Variants in PDXDC1 observed in about 807,000 individuals in gnomAD.
PDXDC1 encodes pyridoxal dependent decarboxylase domain containing 1.
Under a neutral mutation model 100.1 loss-of-function variants are expected in PDXDC1, and 42 were observed. That is an observed-to-expected ratio of 0.42 (90% CI 0.33 to 0.54). PDXDC1 has a LOEUF of 0.54. PDXDC1 is among the 20% of genes least tolerant of loss of function. PDXDC1 has a pLI of 0.10. For missense variants in PDXDC1, 636 were observed against 979.2 expected (o/e 0.65, Z 4.68); for synonymous variants, 260 against 371.7 (o/e 0.70, Z 3.46).
chr16:14,989,049 C>T, intron 1 of PDXDC1: 3 of 1,614,252 alleles, frequency 1.9e-6, no homozygotes, highest in Non-Finnish European at 1.7e-6. Flanking sequence ...GGCTGGCGAG[C>T]AGGAGAGCAT....
intron 6 of PDXDC1, among the ~76,000 whole-genome samples, chr16:15,006,814 C>T (rs1172518683): frequency 7.9e-5 from 12 of 152,274 alleles, no homozygotes; most frequent in Non-Finnish European, 1.5e-4. Flanking sequence ...AGACTTTAAT[C>T]GAAGGGGGTG....
At chr16:15,149,909 C>A in the PDXDC1 span, among the ~76,000 whole-genome samples, 33 of 152,152 alleles carry the variant, frequency 2.2e-4, no homozygotes, top group Non-Finnish European at 1.0e-4. Context: ...ACAAGAAACA[C>A]AAAGGACACA....
At chr16:15,091,247 C>T (rs985355718) in intron 16 of PDXDC1, 5 of 1,586,284 alleles carry the variant, frequency 3.2e-6, no homozygotes, top group Non-Finnish European at 4.3e-6. Context: ...GAATGGGACC[C>T]AAAGAGCAAA....
At chr16:15,049,663 T>G (rs896318666) in intron 16 of PDXDC1, among the ~76,000 whole-genome samples, 1 of 151,950 alleles carries the variant, frequency 6.6e-6, no homozygotes, top group Admixed American at 6.6e-5. Context: ...TGGCCTCAAG[T>G]GATCCACCTG....
At chr16:15,125,299 C>T (rs2047648351) in intron 16 of PDXDC1, 1 of 661,278 alleles carries the variant, frequency 1.5e-6, no homozygotes, top group Non-Finnish European at 2.6e-6. Flanking sequence ...ACTGGGCGTT[C>T]CCTCGCTGGA....
intron 1 of PDXDC1, chr16:14,975,627 A>T: frequency 1.0e-6 from 1 of 985,514 alleles, no homozygotes; most frequent in South Asian, 4.7e-5. Context: ...AGCCAGCTGC[A>T]AACCTGTAGG....
chr16:15,101,078 A>G (rs551960706), intron 16 of PDXDC1, among the ~76,000 whole-genome samples: 1 of 152,318 alleles, frequency 6.6e-6, no homozygotes, highest in East Asian at 1.9e-4. Flanking sequence ...CAATTTTCTT[A>G]TGTACAAAAT....
chr16:15,124,011 A>T (rs1598185826), intron 16 of PDXDC1, among the ~76,000 whole-genome samples: 2 of 152,120 alleles, frequency 1.3e-5, no homozygotes, highest in East Asian at 3.9e-4. Context: ...TGTGGACTTT[A>T]AATTCTGAAC....
chr16:15,031,112 A>G (rs1297546044), intron 16 of PDXDC1, among the ~76,000 whole-genome samples: 1 of 73,958 alleles, frequency 1.4e-5, no homozygotes, highest in African/African-American at 5.3e-5. Flanking sequence ...CACCACATCT[A>G]TTTTTTTTTT....
chr16:15,068,809 T>C (rs1488394416), intron 16 of PDXDC1, among the ~76,000 whole-genome samples: 1 of 152,234 alleles, frequency 6.6e-6, no homozygotes, highest in Non-Finnish European at 1.5e-5. Flanking sequence ...TTTCTTAGAC[T>C]TAATGAATAT....
At position 15,034,379 on chromosome 16, in the gene PDXDC1, G is replaced by C; in HGVS notation, c.1905+1G>C. ...AAGTGAAGAACGGCTTCTGGAAGAG[G>C]TGAGGCCCCCGATGGGCAGCAGGCT... On this transcript the variant is annotated splice_donor_variant, in intron 20 of 22. Transcript: ENST00000396410. LOFTEE classifies it high-confidence loss of function. 6.2e-7 allele frequency: 1 copy of C among 1,613,542 alleles called. No individual in the cohort carries two copies. Among genetic ancestry groups the C allele is most frequent in the Non-Finnish European group, 8.5e-7 (1 of 1,179,984 alleles).
At chr16:15,147,097 G>A in the PDXDC1 span, among the ~76,000 whole-genome samples, 1 of 137,788 alleles carries the variant, frequency 7.3e-6, no homozygotes, top group Non-Finnish European at 1.5e-5. Flanking sequence ...AGGTGGGAGG[G>A]GCTGGCAGGG....
At position 15,047,387 on chromosome 16, in the gene PDXDC1, T is replaced by C. The variant is rs1032525728; in HGVS notation, c.1399+17331T>C. On this transcript the variant is annotated intron_variant, in intron 16 of 16. Coordinates refer to the PDXDC1 transcript ENST00000535621. The stretch of plus-strand genomic sequence containing the variant: ...CCTAACAGCTTCCACAGCCACGTCC[T>C]GTATGCGACGGTTCCAAGATCTCAA... 4 of 1,146,556 alleles carry C rather than the reference T, an allele frequency of 3.5e-6. No homozygotes were observed. The African/African-American group carries it at 6.1e-5, about 17-fold the overall frequency. The allele number at this position is 1,146,556 out of a possible 1,614,324, so 71.0% of individuals were successfully genotyped here. A position where few individuals can be genotyped will look rare whatever the true frequency, so the allele number is the denominator to read the frequency against.
chr16:15,069,398 C>T (rs2045126391), intron 16 of PDXDC1, among the ~76,000 whole-genome samples: 2 of 152,190 alleles, frequency 1.3e-5, no homozygotes, highest in Admixed American at 6.6e-5. Context: ...TATTCATAAA[C>T]ATAAACAGAA....
intron 8 of PDXDC1, among the ~76,000 whole-genome samples, chr16:15,014,140 G>A (rs2041590118): frequency 1.3e-5 from 2 of 151,954 alleles, no homozygotes; most frequent in African/African-American, 4.8e-5. Flanking sequence ...CCAGGAGGCT[G>A]AGATTGCAGT....
rs969462798 is a variant in PDXDC1 at position 15,127,752 on chromosome 16, G to A, written c.1400-11127G>A. 4.5e-6 allele frequency: 7 copies of A among 1,547,814 alleles called. No individual in the cohort carries two copies. The African/African-American group carries it at 6.9e-5, about 15-fold the overall frequency. The stretch of plus-strand genomic sequence containing the variant: ...TGGCGCCCAGGAAGAGGCAGATGAG[G>A]AGAACGCAGCAGGTGGCCCTCTGGA... On this transcript the variant is annotated intron_variant, in intron 16 of 16. Coordinates refer to the PDXDC1 transcript ENST00000535621.
chr16:15,096,256 G>A lies in PDXDC1; in HGVS notation c.1400-42623G>A, dbSNP rs560656274. Among the ~76,000 whole-genome samples, 6 of 152,066 alleles carry A rather than the reference G, an allele frequency of 3.9e-5. No individual in the cohort carries two copies. In the South Asian group the frequency reaches 1.2e-3, roughly 32 times the overall value. Reference sequence around the variant, plus strand: ...CCCCAGTAGCTAGGATTACAGGCATGCGCCACCATGCCCAGCTAATTTTTG... The same window carrying A: ...CCCCAGTAGCTAGGATTACAGGCATACGCCACCATGCCCAGCTAATTTTTG... On this transcript the variant is annotated intron_variant, in intron 16 of 16. Coordinates refer to the PDXDC1 transcript ENST00000535621.
rs1422470572 is a variant in PDXDC1, at chr16:15,094,316, G to T, written c.1400-44563G>T. 9.9e-5 allele frequency: 125 copies of T among 1,262,316 alleles called. 1 individual carries two copies. Among genetic ancestry groups the T allele is most frequent in the Admixed American group, 3.6e-4 (16 of 45,038 alleles). The allele number at this position is 1,262,316 out of a possible 1,614,324, so 78.2% of individuals were successfully genotyped here. ...ACAGCCTCTGTCCCGGAAGTTGCGC[G>T]TGCCAGCGCAACCTTCAGCCAATCA... On this transcript the variant is annotated intron_variant, in intron 16 of 16. Transcript: ENST00000535621.
chr16:15,101,198 A>G (rs1255217632), intron 16 of PDXDC1, among the ~76,000 whole-genome samples: 2 of 152,238 alleles, frequency 1.3e-5, no homozygotes, highest in African/African-American at 4.8e-5. Flanking sequence ...TCCGTAAATG[A>G]CAGTATTTGC....
Sources: gnomAD v4.1 joint callset for allele counts (sites outside exome capture counted in the v4.1 genomes callset) on GRCh38, gnomAD v4.1.1 for gene constraint, MANE v1.5 for transcripts, NCBI Gene and HGNC (gene_info 2026-07-23, HGNC 2026-07-21) for gene names.